Variants in MRTFA observed in about 807,000 individuals in gnomAD.
MRTFA encodes myocardin-related transcription factor A.
Under a neutral mutation model 83.5 loss-of-function variants are expected in MRTFA, and 20 were observed. The ratio of observed to expected loss-of-function variants is 0.24; its 90% CI spans 0.17 to 0.35. MRTFA has a LOEUF of 0.35. Ranked by LOEUF, MRTFA falls within the 10% of genes least tolerant of loss-of-function variation. The pLI is 1.00. For synonymous variants in MRTFA, 659 were observed against 541.2 expected (o/e 1.22, Z -3.02); for missense variants, 1,200 against 1,224.7 (o/e 0.98, Z 0.30).
intron 2 of MRTFA, among the ~76,000 whole-genome samples, chr22:40,590,300 A>G (rs570053553): frequency 6.6e-6 from 1 of 152,306 alleles, no homozygotes; most frequent in South Asian, 2.1e-4. Context: ...AATCTGGCAG[A>G]CAGGAACTCA....
chr22:40,419,357 A>G lies in MRTFA; in HGVS notation c.1381T>C (p.Leu461=), dbSNP rs768002388. 1.2e-6 allele frequency: 2 copies of G among 1,613,810 alleles called. No homozygotes were observed. The highest frequency in any genetic ancestry group is 1.1e-5 in the South Asian group (1 of 91,076). The change falls in exon 12 of 15, where the codon TTG becomes CTG. Residue 461 remains leucine (L), a synonymous_variant. Transcript: ENST00000355630. Reference sequence around the variant, plus strand: ...GTGCCCGAGACAGGCAGTGATCGCAACTTCAGCTCCTGCTTCAGCTCTGCC... The same window carrying G: ...GTGCCCGAGACAGGCAGTGATCGCAGCTTCAGCTCCTGCTTCAGCTCTGCC...
rs1385305362 is a variant in MRTFA, at chr22:40,459,848, T to C, written c.307+3373A>G. ...ATATATACATATATATATATATATA[T>C]ATATATATATATATACACACATGAA... On this transcript the variant is annotated intron_variant, in intron 4 of 14. Transcript: ENST00000355630. 9.3e-5 allele frequency among the ~76,000 whole-genome samples: 13 copies of C among 139,468 alleles called. 1 individual carries two copies. The South Asian group carries it at 1.5e-3, about 16-fold the overall frequency. 91.5% of individuals were successfully genotyped at this position (139,468 alleles called of 152,430 possible).
rs556323047 is a variant in MRTFA at position 40,489,749 on chromosome 22, C to T, written c.242-26463G>A. 5.3e-5 allele frequency among the ~76,000 whole-genome samples: 8 copies of T among 152,152 alleles called. No individual in the cohort carries two copies. The South Asian group carries it at 8.3e-4, about 16-fold the overall frequency. On this transcript the variant is annotated intron_variant, in intron 3 of 14. Transcript: ENST00000355630. ...ATCCCAGCACTCTGGGAAGCCAAGG[C>T]GAGTGGATCACTTGAGGTCAGGAGT...
At chr22:40,536,335 G>A (rs1014445018) in intron 3 of MRTFA, among the ~76,000 whole-genome samples, 1 of 151,250 alleles carries the variant, frequency 6.6e-6, no homozygotes, top group African/African-American at 2.4e-5. Context: ...AGCCGCCGCC[G>A]CCCGACCGCC....
intron 2 of MRTFA, among the ~76,000 whole-genome samples, chr22:40,564,570 G>A (rs761783952): frequency 1.2e-4 from 19 of 152,138 alleles, no homozygotes; most frequent in Non-Finnish European, 2.6e-4. Flanking sequence ...ATACCGCTGA[G>A]TATCTAATTG....
chr22:40,417,166 T>G, intron 13 of MRTFA, 120 bp from the exon 14 acceptor site: 2 of 1,377,600 alleles, frequency 1.5e-6, no homozygotes, highest in South Asian at 2.6e-5. Context: ...ACAGGACCCA[T>G]GGGCGTGCCC....
chr22:40,492,045 C>T (rs751807421), intron 3 of MRTFA, among the ~76,000 whole-genome samples: 13 of 151,004 alleles, frequency 8.6e-5, no homozygotes, highest in Non-Finnish European at 1.3e-4. Context: ...TGTCCTTTCT[C>T]GGCTTCAGGA....
At chr22:40,541,516 G>A (rs1333713386) in intron 3 of MRTFA, among the ~76,000 whole-genome samples, 1 of 152,156 alleles carries the variant, frequency 6.6e-6, no homozygotes, top group Non-Finnish European at 1.5e-5. Flanking sequence ...AGTTGCTACA[G>A]GTCCTGAGGC....
At position 40,410,517 on chromosome 22, in the gene MRTFA, ATG is replaced by A; in HGVS notation, c.*871_*872del. On this transcript the variant is annotated 3_prime_UTR_variant, in exon 15 of 15. Coordinates refer to ENST00000355630, the MANE Select transcript of MRTFA (RefSeq NM_020831.6). ...GCTGCAGTGAGGCGGCGGGGACGGA[ATG>A]TGAGTGGGTGGAGAGCTCCTGGCAG... 4.3e-6 allele frequency: 1 copy of A among 232,908 alleles called. No individual in the cohort carries two copies. The allele number at this position is 232,908 out of a possible 1,614,324, so 14.4% of individuals were successfully genotyped here.
intron 3 of MRTFA, among the ~76,000 whole-genome samples, chr22:40,530,375 C>T (rs2055056997): frequency 6.6e-6 from 1 of 152,246 alleles, no homozygotes; most frequent in Non-Finnish European, 1.5e-5. Flanking sequence ...CAGCTCACTG[C>T]AGCCTCTGCC....
At chr22:40,599,977 C>T (rs917827024) in intron 1 of MRTFA, among the ~76,000 whole-genome samples, 2 of 102,664 alleles carry the variant, frequency 1.9e-5, no homozygotes, top group African/African-American at 7.2e-5. Context: ...GGAAGAAAGA[C>T]AAAAGAAAAT....
intron 3 of MRTFA, among the ~76,000 whole-genome samples, chr22:40,509,295 C>G (rs1330674318): frequency 6.6e-6 from 1 of 152,200 alleles, no homozygotes; most frequent in African/African-American, 2.4e-5. Flanking sequence ...ATCATCCATT[C>G]TAACTCTTAC....
intron 3 of MRTFA, among the ~76,000 whole-genome samples, chr22:40,502,134 C>T (rs1305406240): frequency 5.8e-3 from 797 of 136,804 alleles, no homozygotes; most frequent in Non-Finnish European, 8.7e-3. Flanking sequence ...ACCTCCCGGA[C>T]GGGGCGGCTG....
At chr22:40,595,900 T>C (rs899128105) in intron 1 of MRTFA, among the ~76,000 whole-genome samples, 5 of 131,818 alleles carry the variant, frequency 3.8e-5, no homozygotes, top group Non-Finnish European at 7.9e-5. Flanking sequence ...AGATAAGGTC[T>C]CACTCTGTTG....
chr22:40,412,166 T>G (rs990005895), intron 14 of MRTFA: 2 of 323,306 alleles, frequency 6.2e-6, no homozygotes, highest in African/African-American at 4.3e-5. Flanking sequence ...GACTCAAGAA[T>G]AGGTAAAAGA....
intron 2 of MRTFA, among the ~76,000 whole-genome samples, chr22:40,584,692 T>G (rs1375521337): frequency 6.9e-6 from 1 of 144,056 alleles, no homozygotes; most frequent in Non-Finnish European, 1.5e-5. Context: ...ATCGCACCAT[T>G]GCACTCCAAC....
chr22:40,629,484 C>G (rs2056617476), intron 1 of MRTFA, among the ~76,000 whole-genome samples: 1 of 147,074 alleles, frequency 6.8e-6, no homozygotes, highest in Admixed American at 6.8e-5. Context: ...CCAAGCAGGC[C>G]AGGCACAGTG....
At chr22:40,596,935 A>G (rs2056200126) in intron 1 of MRTFA, among the ~76,000 whole-genome samples, 1 of 151,682 alleles carries the variant, frequency 6.6e-6, no homozygotes. Flanking sequence ...AGATCACACC[A>G]CTGCACTCCA....
At chr22:40,595,682 A>C (rs1340914968) in intron 1 of MRTFA, among the ~76,000 whole-genome samples, 1 of 152,072 alleles carries the variant, frequency 6.6e-6, no homozygotes, top group Non-Finnish European at 1.5e-5. Flanking sequence ...TCTTTGTGCA[A>C]TCATTCACAG....
Sources: allele counts gnomAD v4.1 joint callset (sites outside exome capture counted in the v4.1 genomes callset), GRCh38; gene constraint gnomAD v4.1.1; transcripts MANE v1.5; gene names NCBI Gene and HGNC (gene_info 2026-07-23, HGNC 2026-07-21).